CEACAM16: variants seen among roughly 807,000 people sequenced by gnomAD.
The protein encoded by CEACAM16 is CEA cell adhesion molecule 16, tectorial membrane component, also known as cell adhesion molecule CEACAM16.
CEACAM16 carries 30 observed loss-of-function variants against 39.4 expected under a neutral mutation model. That is an observed-to-expected ratio of 0.76 (90% CI 0.57 to 1.03). CEACAM16 has a LOEUF of 1.03. CEACAM16 is among the 50% of genes least tolerant of loss of function. The pLI is 0.00. For synonymous variants in CEACAM16, 262 were observed against 264.9 expected (o/e 0.99, Z 0.11); for missense variants, 521 against 585.3 (o/e 0.89, Z 1.13).
At position 44,703,364 on chromosome 19, in the gene CEACAM16, T is replaced by G; in HGVS notation, c.53T>G (p.Val18Gly). 1 of 1,609,638 alleles carries G rather than the reference T, an allele frequency of 6.2e-7. No individual in the cohort carries two copies. Among genetic ancestry groups the G allele is most frequent in the South Asian group, 1.1e-5 (1 of 90,992 alleles). Residue 18 changes from valine to glycine, a missense_variant, in exon 3 of 7, where the codon GTG becomes GGG. Transcript: ENST00000587331. ...WLLLSATFLN[V>G]GAEISITLEP... Reference sequence around the variant, plus strand: ...TCTTCCTCAGCCACATTCCTGAATGTGGGGGCCGAGATCTCTATCACCCTG... The same window carrying G: ...TCTTCCTCAGCCACATTCCTGAATGGGGGGGCCGAGATCTCTATCACCCTG...
Position 44,704,246 on chromosome 19 carries a change from G to A in CEACAM16, c.611G>A (p.Trp204Ter). The A allele has an allele frequency of 6.5e-7, 1 of 1,543,136 alleles. No homozygotes were observed. Among genetic ancestry groups the A allele is most frequent in the South Asian group, 1.2e-5 (1 of 83,792 alleles). Residue 204 changes from tryptophan to a stop codon, truncating the protein, a stop_gained, in exon 4 of 7, where the codon TGG becomes TAG. Coordinates refer to ENST00000587331, the MANE Select transcript of CEACAM16 (RefSeq NM_001039213.4). LOFTEE classifies it high-confidence loss of function. ...GCCGGCGCCTATCAGTGTGAGGTGT[G>A]GAACCCGGTCAGTGTCAGCCGCAGC... ...EEAGAYQCEV[W>*]NPVSVSRSEP...
intron 4 of CEACAM16, among the ~76,000 whole-genome samples, chr19:44,705,385 T>C (rs1220955160): frequency 1.3e-5 from 2 of 152,190 alleles, no homozygotes; most frequent in Non-Finnish European, 2.9e-5. Context: ...CACATTCTTT[T>C]TACAGGAGAG....
intron 5 of CEACAM16, among the ~76,000 whole-genome samples, chr19:44,706,297 C>CACACACACACAT (rs1555772260): frequency 0.069 from 8,580 of 125,074 alleles, 366 homozygotes; most frequent in Admixed American, 0.14. Flanking sequence ...CACACACACA[C>CACACACACACAT]ACACACACAC....
Position 44,705,681 on chromosome 19 carries a change from G to GT in CEACAM16, c.754dup (p.Cys252LeufsTer162). 6.2e-7 allele frequency: 1 copy of GT among 1,613,920 alleles called. No homozygotes were observed. Among genetic ancestry groups the GT allele is most frequent in the African/African-American group, 1.3e-5 (1 of 75,044 alleles). On this transcript the variant is annotated frameshift_variant, in exon 5 of 7. Coordinates refer to ENST00000587331, the MANE Select transcript of CEACAM16 (RefSeq NM_001039213.4). LOFTEE classifies it high-confidence loss of function. Reference sequence around the variant, plus strand: ...ACTTCAACACGTCCCTCACCCTGTGGTGCGTGTCCAGGTCCTGCCCAGAGC... The same window carrying GT: ...ACTTCAACACGTCCCTCACCCTGTGGTTGCGTGTCCAGGTCCTGCCCAGAGC...
In CEACAM16 at chr19:44,703,879, C is replaced by G. The variant is rs1974394057; in HGVS notation, c.383-139C>G. The G allele has an allele frequency of 3.2e-5, 37 of 1,158,342 alleles. No homozygotes were observed. In the South Asian group the frequency reaches 6.2e-4, roughly 19 times the overall value. The allele number at this position is 1,158,342 out of a possible 1,614,324, so 71.8% of individuals were successfully genotyped here. A position where few individuals can be genotyped will look rare whatever the true frequency, so the allele number is the denominator to read the frequency against. ...ATGGCCTCCAGGATTAGACCTGCCTCCTAAAACCATTCTTTGTCCCTCCGG... is the reference window on the plus strand; with the variant it reads ...ATGGCCTCCAGGATTAGACCTGCCTGCTAAAACCATTCTTTGTCCCTCCGG... On this transcript the variant is annotated intron_variant, in intron 3 of 6. Transcript: ENST00000587331.
In CEACAM16 at chr19:44,705,624, C is replaced by T; in HGVS notation, c.696C>T (p.Ser232=). ...AGCGTGTGGCCATCCTCCAGGATTC[C>T]ACCACCCGCACAGGCTGCACCATCA... ...GPERVAILQD[S]TTRTGCTIKV... is the part of the protein sequence containing the mutation. The change falls in exon 5 of 7, where the codon TCC becomes TCT. Residue 232 remains serine (S), a synonymous_variant. Transcript: ENST00000587331. 4 of 1,608,878 alleles carry T rather than the reference C, an allele frequency of 2.5e-6. No individual in the cohort carries two copies. The highest frequency in any genetic ancestry group is 1.1e-5 in the South Asian group (1 of 90,936).
intron 6 of CEACAM16, among the ~76,000 whole-genome samples, chr19:44,708,973 C>T (rs1275830116): frequency 1.3e-5 from 2 of 150,972 alleles, no homozygotes; most frequent in South Asian, 2.1e-4. Context: ...TGTTGGGAAC[C>T]GTGTCTCCCC....
chr19:44,708,213 G>A (rs182111313), intron 6 of CEACAM16, 26 bp downstream of exon 6: 282 of 1,498,268 alleles, frequency 1.9e-4, no homozygotes, highest in African/African-American at 8.2e-4. Flanking sequence ...GGGGCAAGGC[G>A]TGCCCCTTTT....
chr19:44,704,930 G>C (rs1359969023), intron 4 of CEACAM16, among the ~76,000 whole-genome samples: 1 of 152,100 alleles, frequency 6.6e-6, no homozygotes, highest in Non-Finnish European at 1.5e-5. Context: ...AATGGGAGGG[G>C]ACACAAAATT....
At chr19:44,709,578 C>T (rs56218432) in intron 6 of CEACAM16, among the ~76,000 whole-genome samples, 1,963 of 65,688 alleles carry the variant, frequency 0.03, 409 homozygotes, top group African/African-American at 0.075. Flanking sequence ...TCCATCAGAC[C>T]GGGAGCTCCC....
intron 2 of CEACAM16, among the ~76,000 whole-genome samples, chr19:44,702,367 G>C (rs1376411012): frequency 6.6e-6 from 1 of 152,070 alleles, no homozygotes; most frequent in Admixed American, 6.5e-5. Flanking sequence ...GAGAAAACGA[G>C]GCTCAGAAAG....
chr19:44,710,610 G>A lies in CEACAM16; in HGVS notation c.*104G>A. 6.6e-7 allele frequency: 1 copy of A among 1,516,474 alleles called. No individual in the cohort carries two copies. The highest frequency in any genetic ancestry group is 9.1e-7 in the Non-Finnish European group (1 of 1,093,518). 93.9% of individuals were successfully genotyped at this position (1,516,474 alleles called of 1,614,324 possible). On this transcript the variant is annotated 3_prime_UTR_variant, in exon 7 of 7. Coordinates refer to ENST00000587331, the MANE Select transcript of CEACAM16 (RefSeq NM_001039213.4). ...TCCCCCACAGCGAGGATGCCAGGCT[G>A]TGGTCCTGCTGTTCTCCTGCCTCCA...
At position 44,705,859 on chromosome 19, in the gene CEACAM16, A is replaced by G. The variant is rs749556460; in HGVS notation, c.931A>G (p.Lys311Glu). The change falls in exon 5 of 7, where the codon AAG becomes GAG. Residue 311 changes from lysine to glutamate, a missense_variant. Physicochemically the swap from Lys to Glu is moderately conservative, Grantham distance 56. Transcript: ENST00000587331. ...LLSGSASVVV[K>E]LSAAAVATMI... ...ATCTGGATCTGCCTCAGTCGTGGTC[A>G]AGCTCTCTGGTGAGTCACCCCCAGC... is the stretch of plus-strand genomic sequence containing the variant. 6 of 1,611,342 alleles carry G rather than the reference A, an allele frequency of 3.7e-6. No homozygotes were observed. The African/African-American group carries it at 6.7e-5, about 18-fold the overall frequency.
Position 44,701,423 on chromosome 19 carries a change from G to C in CEACAM16, c.-34G>C. 6.4e-7 allele frequency: 1 copy of C among 1,556,294 alleles called. No individual in the cohort carries two copies. The highest frequency in any genetic ancestry group is 2.4e-5 in the East Asian group (1 of 41,312). ...GGAGTCCGAGCACTGGGACTTCAAC[G>C]CCACCATCTCCAAGACTCGGTTTGG... On this transcript the variant is annotated 5_prime_UTR_variant, in exon 2 of 7. Transcript: ENST00000587331. The surrounding 1 kb of genome is among the most constrained non-coding windows in gnomAD (Gnocchi z 4.0).
chr19:44,703,731 G>A lies in CEACAM16; in HGVS notation c.382+38G>A. On this transcript the variant is annotated intron_variant, in intron 3 of 6. Transcript: ENST00000587331. ...CCAACACCCGCCTCTGCCCCAGCTG[G>A]GCCTTCCCATCTCCTTCTCAATCCT... 5.0e-6 allele frequency: 7 copies of A among 1,401,770 alleles called. No homozygotes were observed. The South Asian group carries it at 6.2e-5, about 12-fold the overall frequency. The allele number at this position is 1,401,770 out of a possible 1,614,324, so 86.8% of individuals were successfully genotyped here.
intron 2 of CEACAM16, among the ~76,000 whole-genome samples, chr19:44,702,828 G>A (rs1485590864): frequency 2.0e-5 from 3 of 152,224 alleles, no homozygotes; most frequent in African/African-American, 4.8e-5. Flanking sequence ...AAAACCCTTT[G>A]GGTCCGGCTT....
At chr19:44,707,288 C>G (rs1367388438) in intron 5 of CEACAM16, among the ~76,000 whole-genome samples, 1 of 152,088 alleles carries the variant, frequency 6.6e-6, no homozygotes, top group South Asian at 2.1e-4. Context: ...TCCAGGGTCC[C>G]CAACTTGATT....
In CEACAM16 at chr19:44,705,812, C is replaced by T. The variant is rs543602696; in HGVS notation, c.884C>T (p.Ala295Val). 1.4e-5 allele frequency: 23 copies of T among 1,613,956 alleles called. No individual in the cohort carries two copies. Among genetic ancestry groups the T allele is most frequent in the South Asian group, 4.4e-5 (4 of 91,084 alleles). ...AAQEGTYTCI[A>V]KNTKTLLSGS... ...CAGGAGGGGACGTACACATGTATTGCGAAGAACACCAAGACCCTGCTATCT... is the reference window on the plus strand; with the variant it reads ...CAGGAGGGGACGTACACATGTATTGTGAAGAACACCAAGACCCTGCTATCT... Residue 295 changes from alanine to valine, a missense_variant, in exon 5 of 7, where the codon GCG (alanine) becomes GTG (valine). By Grantham distance (64) the Ala-to-Val change is moderately conservative. Coordinates refer to ENST00000587331, the MANE Select transcript of CEACAM16 (RefSeq NM_001039213.4).
rs577689341 is a variant in CEACAM16, at chr19:44,703,681, G to C, written c.370G>C (p.Val124Leu). The C allele has an allele frequency of 7.1e-5, 109 of 1,540,488 alleles. No homozygotes were observed. The highest frequency in any genetic ancestry group is 9.6e-5 in the Non-Finnish European group (109 of 1,138,280). The change falls in exon 3 of 7, where the codon GTG becomes CTG. Residue 124 changes from valine (V) to leucine (L), a missense_variant. Val to Leu is a conservative substitution (Grantham distance 32). Coordinates refer to ENST00000587331, the MANE Select transcript of CEACAM16 (RefSeq NM_001039213.4). ...GCAGACCGAGGTGGGCTACGGACACGTGCAGGTCCATGGTGAGACACCCCC... is the reference window on the plus strand; with the variant it reads ...GCAGACCGAGGTGGGCTACGGACACCTGCAGGTCCATGGTGAGACACCCCC... ...QLQTEVGYGHVQVHEILAQPT... is the reference protein window; with the variant it reads ...QLQTEVGYGHLQVHEILAQPT...
Sources: allele counts gnomAD v4.1 joint callset (sites outside exome capture counted in the v4.1 genomes callset), GRCh38; gene constraint gnomAD v4.1.1; non-coding constraint Gnocchi (gnomAD v3.1); transcripts MANE v1.5; gene names NCBI Gene and HGNC (gene_info 2026-07-23, HGNC 2026-07-21).